The following PLPPR1 variants were observed in gnomAD, a reference collection of about 807,000 sequenced individuals.
PLPPR1 encodes the protein phospholipid phosphatase-related protein type 1.
A neutral mutation model predicts 33.1 loss-of-function variants in PLPPR1; 10 were observed. The ratio of observed to expected loss-of-function variants is 0.30; its 90% CI spans 0.19 to 0.51. The LOEUF is 0.51. Ranked by LOEUF, PLPPR1 falls within the 20% of genes least tolerant of loss-of-function variation. The probability of loss-of-function intolerance (pLI) is 0.97; values close to 1 mark genes in which losing one functional copy is unlikely to be tolerated. For synonymous variants in PLPPR1, 151 were observed against 151.0 expected (o/e 1.00, Z 0.00); for missense variants, 304 against 408.1 (o/e 0.74, Z 2.20).
chr9:101,088,168 G>C (rs1830701104), intron 1 of PLPPR1, among the ~76,000 whole-genome samples: 4 of 152,118 alleles, frequency 2.6e-5, no homozygotes, highest in Admixed American at 2.6e-4. Context: ...ATATTGCAGG[G>C]AACATCAAGG....
intron 2 of PLPPR1, among the ~76,000 whole-genome samples, chr9:101,266,577 T>C (rs1828003390): frequency 6.6e-6 from 1 of 152,150 alleles, no homozygotes; most frequent in Non-Finnish European, 1.5e-5. Context: ...CCTTTGGGTC[T>C]CCAAGGTTCT....
intron 1 of PLPPR1, among the ~76,000 whole-genome samples, chr9:101,083,451 C>A (rs1401919318): frequency 6.6e-6 from 1 of 151,792 alleles, no homozygotes; most frequent in African/African-American, 2.4e-5. Flanking sequence ...GTAAATGAAG[C>A]CTTTTTTCTT....
In PLPPR1 at chr9:101,321,568, C is replaced by T. The variant is rs147978776; in HGVS notation, c.946-2457C>T. On this transcript the variant is annotated intron_variant, in intron 7 of 7. Transcript: ENST00000374874. ...TCTTAATTATCCATGTTCTACACCC[C>T]GCCCCACTCACAATGTACATGAGCA... Among the ~76,000 whole-genome samples, 391 of 152,040 alleles carry T rather than the reference C, an allele frequency of 2.6e-3. 3 individuals are homozygous for T. The highest frequency in any genetic ancestry group is 0.017 in the Middle Eastern group (5 of 294).
chr9:101,303,975 CA>C (rs1828798904), intron 4 of PLPPR1, among the ~76,000 whole-genome samples: 1 of 152,216 alleles, frequency 6.6e-6, no homozygotes, highest in East Asian at 1.9e-4. Flanking sequence ...TTGTGCTTCA[CA>C]AACATCTCCA....
chr9:101,160,681 C>A (rs1831761087), intron 1 of PLPPR1, among the ~76,000 whole-genome samples: 1 of 151,954 alleles, frequency 6.6e-6, no homozygotes, highest in South Asian at 2.1e-4. Context: ...TAGACAAATT[C>A]CTGGATAAAA....
At chr9:101,045,525 G>A (rs1830133447) in intron 1 of PLPPR1, among the ~76,000 whole-genome samples, 1 of 152,142 alleles carries the variant, frequency 6.6e-6, no homozygotes, top group South Asian at 2.1e-4. Flanking sequence ...GGTAGGGAGA[G>A]AATGAGCCAA....
rs56395220 is a variant in PLPPR1, at chr9:101,141,626, G to A, written c.-45-43824G>A. Among the ~76,000 whole-genome samples the A allele has an allele frequency of 8.6e-3, 1,312 of 152,150 alleles. 23 individuals carry two copies. Among genetic ancestry groups the A allele is most frequent in the African/African-American group, 0.029 (1,211 of 41,514 alleles). ...GTATTTAAAAACATTTATTGAACAA[G>A]GCTTAGAAAAGAATCCAACCCTTAG... On this transcript the variant is annotated intron_variant, in intron 1 of 7. Coordinates refer to ENST00000374874, the MANE Select transcript of PLPPR1 (RefSeq NM_207299.2).
At chr9:101,091,511 T>G (rs2118532548) in intron 1 of PLPPR1, among the ~76,000 whole-genome samples, 1 of 152,258 alleles carries the variant, frequency 6.6e-6, no homozygotes, top group East Asian at 1.9e-4. Flanking sequence ...AAGTTCAGCC[T>G]AAGTCCTTCT....
intron 1 of PLPPR1, among the ~76,000 whole-genome samples, chr9:101,123,558 T>A (rs1419492189): frequency 2.0e-5 from 3 of 152,136 alleles, no homozygotes; most frequent in African/African-American, 7.2e-5. Context: ...TTGTGGAGGC[T>A]GTGAAGGCCC....
intron 1 of PLPPR1, among the ~76,000 whole-genome samples, chr9:101,085,687 C>T (rs997624693): frequency 2.0e-5 from 3 of 152,116 alleles, no homozygotes; most frequent in Non-Finnish European, 2.9e-5. Context: ...AAATGGATCC[C>T]GTTATTCCTC....
intron 1 of PLPPR1, among the ~76,000 whole-genome samples, chr9:101,113,471 A>G (rs1831081861): frequency 6.6e-6 from 1 of 152,154 alleles, no homozygotes; most frequent in Non-Finnish European, 1.5e-5. Flanking sequence ...TATAAGATGA[A>G]CCAGAAAATT....
chr9:101,322,944 G>A (rs1186921293), intron 7 of PLPPR1, among the ~76,000 whole-genome samples: 6 of 152,062 alleles, frequency 3.9e-5, no homozygotes, highest in Non-Finnish European at 2.9e-5. Context: ...TATTATGTAA[G>A]CCACATTTTC....
intron 1 of PLPPR1, among the ~76,000 whole-genome samples, chr9:101,097,156 C>T (rs1339425): frequency 0.21 from 32,442 of 152,148 alleles, 3,586 homozygotes; most frequent in East Asian, 0.36. Flanking sequence ...ATCTGCACAA[C>T]TTGCACAGAT....
At chr9:101,181,848 A>C (rs1417243764) in intron 1 of PLPPR1, among the ~76,000 whole-genome samples, 11 of 143,220 alleles carry the variant, frequency 7.7e-5, no homozygotes, top group African/African-American at 2.5e-4. Flanking sequence ...TATAGTGTGC[A>C]TGTGTGTATA....
At chr9:101,140,327 G>C (rs1831433494) in intron 1 of PLPPR1, among the ~76,000 whole-genome samples, 1 of 152,188 alleles carries the variant, frequency 6.6e-6, no homozygotes, top group Non-Finnish European at 1.5e-5. Flanking sequence ...GCAAATGTTT[G>C]TAGAGGTCTA....
chr9:101,273,991 C>G (rs889145076), intron 3 of PLPPR1, among the ~76,000 whole-genome samples: 4 of 152,196 alleles, frequency 2.6e-5, no homozygotes, highest in Admixed American at 2.6e-4. Context: ...AAGCTCTTCT[C>G]CAGGCTACAG....
At chr9:101,252,534 G>T (rs1490365611) in intron 2 of PLPPR1, among the ~76,000 whole-genome samples, 1 of 152,060 alleles carries the variant, frequency 6.6e-6, no homozygotes, top group Non-Finnish European at 1.5e-5. Flanking sequence ...AGGGAAATAA[G>T]AAAAATCCTT....
chr9:101,121,024 G>T (rs1244473292), intron 1 of PLPPR1, among the ~76,000 whole-genome samples: 1 of 152,240 alleles, frequency 6.6e-6, no homozygotes. Flanking sequence ...GGGGTTTTAG[G>T]TAGAGGGGAA....
intron 2 of PLPPR1, among the ~76,000 whole-genome samples, chr9:101,194,174 G>C (rs979255925): frequency 1.3e-5 from 2 of 152,098 alleles, no homozygotes; most frequent in Non-Finnish European, 2.9e-5. Flanking sequence ...TATTTTGAGT[G>C]ATTTCAAGCA....
Sources: allele counts gnomAD v4.1 joint callset (sites outside exome capture counted in the v4.1 genomes callset), GRCh38; gene constraint gnomAD v4.1.1; transcripts MANE v1.5; gene names NCBI Gene and HGNC (gene_info 2026-07-23, HGNC 2026-07-21).